The following C13orf42 variants were observed in gnomAD, a reference collection of about 807,000 sequenced individuals.
C13orf42 encodes the protein chromosome 13 open reading frame 42, also known as uncharacterized protein C13orf42.
chr13:51,122,622 G>A (rs1290980898), intron 1 of C13orf42, among the ~76,000 whole-genome samples: 5 of 151,732 alleles, frequency 3.3e-5, no homozygotes, highest in East Asian at 1.9e-4. Context: ...TTTTTAAACC[G>A]TCATCTTGTT....
upstream of C13orf42, among the ~76,000 whole-genome samples, chr13:51,112,018 C>T (rs529977764): frequency 1.2e-3 from 177 of 152,354 alleles, 1 homozygote; most frequent in Non-Finnish European, 1.0e-3. Context: ...GGGGCAGACA[C>T]TTTCTTTAGC....
chr13:51,171,716 C>T (rs1953954507), intron 1 of C13orf42, among the ~76,000 whole-genome samples: 1 of 152,106 alleles, frequency 6.6e-6, no homozygotes, highest in South Asian at 2.1e-4. Context: ...GTGGCTGGAG[C>T]TAAAGGCATA....
At chr13:51,143,751 T>G (rs1233297968) in intron 1 of C13orf42, among the ~76,000 whole-genome samples, 3 of 152,234 alleles carry the variant, frequency 2.0e-5, no homozygotes, top group Admixed American at 6.5e-5. Flanking sequence ...TGTCTTTTTC[T>G]AACCTAATTA....
At chr13:51,114,151 TAGATG>T (rs1417735620), upstream of C13orf42, among the ~76,000 whole-genome samples, 1 of 152,206 alleles carries the variant, frequency 6.6e-6, no homozygotes, top group Non-Finnish European at 1.5e-5. Flanking sequence ...TGCCTGCTCC[TAGATG>T]AGCCTGGTCT....
chr13:51,170,778 C>T (rs12855246), intron 1 of C13orf42, among the ~76,000 whole-genome samples: 51,539 of 151,832 alleles, frequency 0.34, 10,275 homozygotes, highest in Non-Finnish European at 0.44. Flanking sequence ...CGGCAAGTCC[C>T]GCTTTCCTGG....
chr13:51,102,404 G>T (rs1243464206), intron 1 of C13orf42, among the ~76,000 whole-genome samples: 2 of 152,200 alleles, frequency 1.3e-5, no homozygotes, highest in East Asian at 3.8e-4. Flanking sequence ...ACAGGCTGTT[G>T]ATATGGTCTC....
chr13:51,091,066 C>A (rs530230195), intron 1 of C13orf42, among the ~76,000 whole-genome samples: 2 of 152,288 alleles, frequency 1.3e-5, no homozygotes, highest in African/African-American at 4.8e-5. Context: ...CCACACCTTG[C>A]CATTTCTGCA....
Position 51,119,696 on chromosome 13 carries a change from A to G in C13orf42, n.137-6474T>C, listed in dbSNP as rs116302838. Among the ~76,000 whole-genome samples the G allele has an allele frequency of 5.4e-3, 822 of 152,316 alleles. 8 individuals are homozygous for G. Among genetic ancestry groups the G allele is most frequent in the African/African-American group, 0.018 (755 of 41,570 alleles). On this transcript the variant is annotated intron_variant and non_coding_transcript_variant, in intron 1 of 4. Coordinates refer to the C13orf42 transcript ENST00000433280. ...ATGATTTCACTTATATGAGGTGCCC[A>G]GAGTAATGAAATTCATAGAGACAGA...
intron 1 of C13orf42, among the ~76,000 whole-genome samples, chr13:51,118,144 A>G (rs9563025): frequency 0.88 from 133,479 of 152,200 alleles, 58,901 homozygotes; most frequent in African/African-American, 0.97. Flanking sequence ...CTGGGGTCAG[A>G]GGGAGGCAAG....
chr13:51,082,226 C>T lies in C13orf42; in HGVS notation c.*1925G>A, dbSNP rs1953072833. ...AGAGCACAGATCCTTGGGTTTATCA[C>T]CAACTTCAAACACCTAAAAATGATC... On this transcript the variant is annotated 3_prime_UTR_variant, in exon 4 of 4. Coordinates refer to ENST00000563710, the MANE Select transcript of C13orf42 (RefSeq NM_001351589.3). 1 of 152,204 alleles carries T rather than the reference C, an allele frequency of 6.6e-6. No individual in the cohort carries two copies. Among genetic ancestry groups the T allele is most frequent in the Non-Finnish European group, 1.5e-5 (1 of 68,038 alleles). The allele number at this position is 152,204 out of a possible 1,614,324, so 9.4% of individuals were successfully genotyped here.
At chr13:51,116,707 T>G (rs887071562) in intron 1 of C13orf42, among the ~76,000 whole-genome samples, 1 of 152,264 alleles carries the variant, frequency 6.6e-6, no homozygotes, top group Non-Finnish European at 1.5e-5. Flanking sequence ...TACAAACCAT[T>G]CCAAGACTTC....
intron 1 of C13orf42, among the ~76,000 whole-genome samples, chr13:51,138,742 T>C (rs906197434): frequency 6.6e-6 from 1 of 152,120 alleles, no homozygotes; most frequent in African/African-American, 2.4e-5. Flanking sequence ...TGGGTATTTA[T>C]CCAAAAGAAT....
chr13:51,144,980 T>C (rs1443333041), intron 1 of C13orf42, among the ~76,000 whole-genome samples: 1 of 152,250 alleles, frequency 6.6e-6, no homozygotes, highest in Non-Finnish European at 1.5e-5. Flanking sequence ...AATGGGAAAC[T>C]GGAGAGAGAA....
chr13:51,112,072 CTG>C (rs1280633283), upstream of C13orf42, among the ~76,000 whole-genome samples: 2 of 152,206 alleles, frequency 1.3e-5, no homozygotes, highest in Non-Finnish European at 2.9e-5. Flanking sequence ...CAGACATAAA[CTG>C]TTTTTTCAAG....
At position 51,111,037 on chromosome 13, in the gene C13orf42, CTTTTGTACTTCT is replaced by C. The variant is rs1300804851; in HGVS notation, c.161_172del (p.Lys54_Lys57del). On this transcript the variant is annotated inframe_deletion, in exon 1 of 4. Coordinates refer to ENST00000563710, the MANE Select transcript of C13orf42 (RefSeq NM_001351589.3). ...CAGGCTGGTGTCCATGCTACTGGTG[CTTTTGTACTTCT>C]TTAAGGACTCGCTGAATTTCTCCCC... 2 of 398,620 alleles carry C rather than the reference CTTTTGTACTTCT, an allele frequency of 5.0e-6. No individual in the cohort carries two copies. Among genetic ancestry groups the C allele is most frequent in the Admixed American group, 4.4e-5 (1 of 22,724 alleles). 24.7% of individuals were successfully genotyped at this position (398,620 alleles called of 1,614,324 possible). A position where few individuals can be genotyped will look rare whatever the true frequency, so the allele number is the denominator to read the frequency against.
intron 1 of C13orf42, among the ~76,000 whole-genome samples, chr13:51,169,509 T>C (rs538312341): frequency 6.6e-6 from 1 of 152,334 alleles, no homozygotes; most frequent in Admixed American, 6.5e-5. Flanking sequence ...GCCAACATAA[T>C]AGGGAAAATG....
intron 1 of C13orf42, among the ~76,000 whole-genome samples, chr13:51,092,364 TTTATTCATTTGAA>T: frequency 6.6e-6 from 1 of 152,358 alleles, no homozygotes; most frequent in South Asian, 2.1e-4. Flanking sequence ...TTGAATAGGA[TTTATTCATTTGAA>T]TTATTCATTT....
chr13:51,160,655 A>G (rs1036452881), intron 1 of C13orf42, among the ~76,000 whole-genome samples: 4 of 152,244 alleles, frequency 2.6e-5, no homozygotes, highest in African/African-American at 9.6e-5. Context: ...GAAAGTAGAC[A>G]ATTTCTCAGT....
At chr13:51,159,889 A>T (rs1219407228) in intron 1 of C13orf42, among the ~76,000 whole-genome samples, 1 of 152,218 alleles carries the variant, frequency 6.6e-6, no homozygotes, top group African/African-American at 2.4e-5. Context: ...ACAGTTCCAC[A>T]TGGCTAGGGA....
Sources: gnomAD v4.1 joint callset for allele counts (sites outside exome capture counted in the v4.1 genomes callset) on GRCh38, gnomAD v4.1.1 for gene constraint, MANE v1.5 for transcripts, NCBI Gene and HGNC (gene_info 2026-07-23, HGNC 2026-07-21) for gene names.